NEBL: variants seen among roughly 807,000 people sequenced by gnomAD.
NEBL encodes the protein nebulette.
NEBL carries 122 observed loss-of-function variants against 140.2 expected under a neutral mutation model. The ratio of observed to expected loss-of-function variants is 0.87; its 90% CI spans 0.75 to 1.01. NEBL has a LOEUF of 1.01. NEBL is among the 50% of genes least tolerant of loss of function. NEBL has a pLI of 0.00. For missense variants in NEBL, 1,365 were observed against 1,231.3 expected (o/e 1.11, Z -1.62); for synonymous variants, 436 against 398.9 (o/e 1.09, Z -1.11).
chr10:20,797,242 T>C (rs553156905), intron 26 of NEBL, among the ~76,000 whole-genome samples: 3 of 152,316 alleles, frequency 2.0e-5, no homozygotes, highest in South Asian at 2.1e-4. Flanking sequence ...ATGAAAGAAA[T>C]TGTCATTATT....
chr10:20,948,379 C>T (rs1835282772), intron 4 of NEBL, among the ~76,000 whole-genome samples: 3 of 152,160 alleles, frequency 2.0e-5, no homozygotes, highest in African/African-American at 7.2e-5. Context: ...TTTCATTATA[C>T]CCATGACACT....
upstream of NEBL, among the ~76,000 whole-genome samples, chr10:21,177,557 T>A (rs1040604033): frequency 6.6e-5 from 10 of 150,500 alleles, no homozygotes; most frequent in African/African-American, 2.5e-4. Context: ...TGAGATGGAG[T>A]CTCGCTCTGT....
chr10:21,089,867 C>A (rs1836830903), intron 2 of NEBL, among the ~76,000 whole-genome samples: 1 of 152,132 alleles, frequency 6.6e-6, no homozygotes, highest in Non-Finnish European at 1.5e-5. Context: ...TCCATAGTTC[C>A]AATATTCAAA....
intron 2 of NEBL, among the ~76,000 whole-genome samples, chr10:21,165,690 A>G (rs1222539193): frequency 6.6e-6 from 1 of 152,166 alleles, no homozygotes; most frequent in East Asian, 1.9e-4. Flanking sequence ...CTTGGAGGAT[A>G]CAGACAGATA....
intron 2 of NEBL, among the ~76,000 whole-genome samples, chr10:21,142,463 C>A (rs925478414): frequency 6.6e-6 from 1 of 152,042 alleles, no homozygotes; most frequent in African/African-American, 2.4e-5. Flanking sequence ...GGCAAACAAG[C>A]GAGCACAGGA....
rs1039464808 is a variant in NEBL at position 21,119,468 on chromosome 10, CA to C, written c.164+52914del. On this transcript the variant is annotated intron_variant, in intron 2 of 6. Transcript: ENST00000417816. ...AGTTATATTAATATACTGAATATAA[CA>C]TATATAGTTATATTAATATACTGAA... 2.1e-4 allele frequency among the ~76,000 whole-genome samples: 31 copies of C among 148,076 alleles called. 1 individual carries two copies. The highest frequency in any genetic ancestry group is 1.6e-3 in the East Asian group (8 of 5,076).
intron 12 of NEBL, among the ~76,000 whole-genome samples, chr10:20,843,071 C>T (rs541571797): frequency 3.5e-4 from 54 of 152,122 alleles, no homozygotes; most frequent in African/African-American, 1.1e-3. Flanking sequence ...CCATTGTGAC[C>T]GTACTTGAAG....
At chr10:21,088,818 C>CA (rs1836772591) in intron 2 of NEBL, among the ~76,000 whole-genome samples, 1 of 152,228 alleles carries the variant, frequency 6.6e-6, no homozygotes, top group Non-Finnish European at 1.5e-5. Flanking sequence ...AAGTATCTGC[C>CA]AACCCTTCTA....
intron 3 of NEBL, among the ~76,000 whole-genome samples, chr10:20,979,961 G>A (rs1836965281): frequency 1.3e-5 from 2 of 151,602 alleles, no homozygotes. Context: ...CCAAATCACT[G>A]AGATTACAGA....
chr10:20,834,289 G>C (rs1027074239), intron 14 of NEBL, among the ~76,000 whole-genome samples: 3 of 152,072 alleles, frequency 2.0e-5, no homozygotes, highest in Non-Finnish European at 4.4e-5. Context: ...GATTTGGAAG[G>C]TTCCATAACA....
chr10:21,060,761 A>G (rs544302005), intron 2 of NEBL, among the ~76,000 whole-genome samples: 1 of 152,056 alleles, frequency 6.6e-6, no homozygotes, highest in Admixed American at 6.6e-5. Flanking sequence ...CTTACCCCTA[A>G]GCTGAAACGA....
At chr10:21,131,771 G>T (rs541034878) in intron 2 of NEBL, among the ~76,000 whole-genome samples, 71 of 152,200 alleles carry the variant, frequency 4.7e-4, no homozygotes, top group Middle Eastern at 3.4e-3. Flanking sequence ...TTGGGAAAAG[G>T]AATAAGGAGA....
At chr10:21,110,905 C>G (rs1231705049) in intron 2 of NEBL, 5 of 567,798 alleles carry the variant, frequency 8.8e-6, no homozygotes, top group South Asian at 7.6e-5. Flanking sequence ...AATGTCTGTA[C>G]AAAATCAATG....
At chr10:21,293,021 C>T (rs987517097), upstream of NEBL, among the ~76,000 whole-genome samples, 4 of 152,176 alleles carry the variant, frequency 2.6e-5, no homozygotes, top group Admixed American at 6.5e-5. Context: ...CGTGGTTCCT[C>T]CCAGCGCTAG....
chr10:21,145,427 A>C (rs1240148386), intron 2 of NEBL, among the ~76,000 whole-genome samples: 1 of 152,260 alleles, frequency 6.6e-6, no homozygotes, highest in East Asian at 1.9e-4. Flanking sequence ...AATGCCATTA[A>C]AAAGGATTAA....
At chr10:21,152,319 T>C (rs749542727) in intron 2 of NEBL, among the ~76,000 whole-genome samples, 1 of 152,164 alleles carries the variant, frequency 6.6e-6, no homozygotes, top group Non-Finnish European at 1.5e-5. Flanking sequence ...ATATTTTAAA[T>C]CCGTTAGTCC....
chr10:20,974,452 C>A (rs1475836224), intron 3 of NEBL, among the ~76,000 whole-genome samples: 4 of 151,912 alleles, frequency 2.6e-5, no homozygotes, highest in African/African-American at 9.7e-5. Flanking sequence ...TGGGGTTTTG[C>A]CATGCTGCTT....
intron 1 of NEBL, among the ~76,000 whole-genome samples, chr10:21,256,449 T>G (rs925793031): frequency 2.0e-5 from 3 of 152,324 alleles, no homozygotes; most frequent in African/African-American, 7.2e-5. Context: ...AATGTTAAAT[T>G]TCCTGGGATA....
intron 1 of NEBL, among the ~76,000 whole-genome samples, chr10:21,260,256 G>C (rs575549909): frequency 1.8e-4 from 28 of 152,290 alleles, no homozygotes; most frequent in African/African-American, 6.7e-4. Flanking sequence ...CTCCAGACAG[G>C]AGCAGGTCAT....
Sources: gnomAD v4.1 joint callset for allele counts (sites outside exome capture counted in the v4.1 genomes callset) on GRCh38, gnomAD v4.1.1 for gene constraint, MANE v1.5 for transcripts, NCBI Gene and HGNC (gene_info 2026-07-23, HGNC 2026-07-21) for gene names.